Variants in GPR35 observed in about 807,000 individuals in gnomAD.
The protein encoded by GPR35 is KYNA receptor.
For missense variants in GPR35, 372 were observed against 422.5 expected (o/e 0.88, Z 1.05); for synonymous variants, 207 against 198.4 (o/e 1.04, Z -0.36).
At chr2:240,626,180 T>TG (rs746486232) in intron 1 of GPR35, among the ~76,000 whole-genome samples, 3 of 1,300 alleles carry the variant, frequency 2.3e-3, no homozygotes, top group Admixed American at 0.01. Flanking sequence ...GAGGCTGTGA[T>TG]GGGGTCTCAG....
intron 3 of GPR35, chr2:240,616,827 C>A: frequency 3.1e-6 from 2 of 652,762 alleles, no homozygotes; most frequent in South Asian, 1.6e-5. Context: ...TGGATGCATA[C>A]TCTCTCTCGC....
intron 4 of GPR35, chr2:240,617,696 A>C (rs2043253238): frequency 2.3e-5 from 4 of 172,410 alleles, no homozygotes; most frequent in Admixed American, 1.6e-4. Context: ...ACAATGACTA[A>C]TGAGTTTTTA....
rs759774390 is a variant in GPR35, at chr2:240,630,388, G to A, written c.436G>A (p.Gly146Ser). The change falls in exon 2 of 2, where the codon GGC (glycine) becomes AGC (serine). Residue 146 changes from glycine (G) to serine (S), a missense_variant. Gly to Ser is a moderately conservative substitution (Grantham distance 56). Coordinates refer to ENST00000407714, the MANE Select transcript of GPR35 (RefSeq NM_005301.5). ...CGCGGTCCTCTGGGTGCTGGTCATC[G>A]GCTCCCTGGTGGCTCGCTGGCTCCT... ...VCAVLWVLVI[G>S]SLVARWLLGI... The A allele has an allele frequency of 1.7e-5, 27 of 1,611,038 alleles. No individual in the cohort carries two copies. The highest frequency in any genetic ancestry group is 1.6e-4 in the Middle Eastern group (1 of 6,080).
Position 240,630,498 on chromosome 2 carries a change from G to T in GPR35, c.546G>T (p.Leu182=). 1.2e-6 allele frequency: 2 copies of T among 1,612,930 alleles called. No individual in the cohort carries two copies. Among genetic ancestry groups the T allele is most frequent in the Non-Finnish European group, 1.7e-6 (2 of 1,179,964 alleles). Residue 182 remains leucine (L), a synonymous_variant, in exon 2 of 2, where the codon CTG becomes CTT. Coordinates refer to ENST00000407714, the MANE Select transcript of GPR35 (RefSeq NM_005301.5). ...CGTTCCCGCTGCTGGGATTCTACCT[G>T]CCCCTGGCCGTGGTGGTCTTCTGCT... is the stretch of plus-strand genomic sequence containing the variant. The part of the protein sequence containing the change: ...SMAFPLLGFY[L]PLAVVVFCSL...
In GPR35 at chr2:240,633,116, C is replaced by T. The variant is rs2043467801; in HGVS notation, c.*2234C>T. 6.6e-6 allele frequency among the ~76,000 whole-genome samples: 1 copy of T among 152,196 alleles called. No individual in the cohort carries two copies. The highest frequency in any genetic ancestry group is 1.5e-5 in the Non-Finnish European group (1 of 68,034). On this transcript the variant is annotated 3_prime_UTR_variant, in exon 2 of 2. Coordinates refer to ENST00000407714, the MANE Select transcript of GPR35 (RefSeq NM_005301.5). ...GTAAGTTTCCTGAGGCCTCCCTAGC[C>T]ATGCTGAAGTGTGAGTCAATTAAAC... is the stretch of plus-strand genomic sequence containing the variant.
chr2:240,607,845 T>C (rs2125473292), intron 2 of GPR35, among the ~76,000 whole-genome samples: 1 of 151,424 alleles, frequency 6.6e-6, no homozygotes, highest in Non-Finnish European at 1.5e-5. Context: ...CTCCTTCTCT[T>C]CCTCCTCCTC....
At chr2:240,623,293 GAAACAGGTCATGAGGGCGC>G (rs796813375), upstream of GPR35, among the ~76,000 whole-genome samples, 8,206 of 126,786 alleles carry the variant, frequency 0.065, 1,076 homozygotes, top group East Asian at 0.13. Context: ...TGAAGGGCTG[GAAACAGGTCATGAGGGCGC>G]AAACAGGTCG....
upstream of GPR35, among the ~76,000 whole-genome samples, chr2:240,620,603 C>G (rs565313468): frequency 9.9e-5 from 15 of 152,238 alleles, no homozygotes; most frequent in East Asian, 2.7e-3. Flanking sequence ...CCCCGTGTCC[C>G]CTGCTCGTCC....
Position 240,627,628 on chromosome 2 carries a change from C to CTTTTTTTTTTTTTTTTT in GPR35, c.-5+2071_-5+2087dup, listed in dbSNP as rs60197961. ...ATCACCAGCCCAGCTAATTTTCTGTCTTTTTTTTTTTTTTTTTTTTTTTTT... is the reference window on the plus strand; with the variant it reads ...ATCACCAGCCCAGCTAATTTTCTGTCTTTTTTTTTTTTTTTTTTTTTTTTTTTTTTTTTTTTTTTTTT... On this transcript the variant is annotated intron_variant, in intron 1 of 1. Coordinates refer to ENST00000407714, the MANE Select transcript of GPR35 (RefSeq NM_005301.5). 1.4e-4 allele frequency: 10 copies of CTTTTTTTTTTTTTTTTT among 69,652 alleles called. 1 individual carries two copies. Among genetic ancestry groups the CTTTTTTTTTTTTTTTTT allele is most frequent in the East Asian group, 1.5e-3 (2 of 1,328 alleles). The allele number at this position is 69,652 out of a possible 1,614,324, so 4.3% of individuals were successfully genotyped here. A position where few individuals can be genotyped will look rare whatever the true frequency, so the allele number is the denominator to read the frequency against.
At chr2:240,610,148 C>T (rs1337953178) in intron 2 of GPR35, among the ~76,000 whole-genome samples, 2 of 151,950 alleles carry the variant, frequency 1.3e-5, no homozygotes, top group African/African-American at 2.4e-5. Flanking sequence ...TTAGTAGAGA[C>T]GGGGTTTCAC....
At chr2:240,623,968 C>G (rs2043338494), upstream of GPR35, among the ~76,000 whole-genome samples, 1 of 145,032 alleles carries the variant, frequency 6.9e-6, no homozygotes, top group Admixed American at 7.0e-5. Flanking sequence ...GAGTGATGCC[C>G]AGCAGAGGGG....
In GPR35 at chr2:240,630,591, C is replaced by A; in HGVS notation, c.639C>A (p.Arg213=). 1 of 1,612,888 alleles carries A rather than the reference C, an allele frequency of 6.2e-7. No homozygotes were observed. The highest frequency in any genetic ancestry group is 1.3e-5 in the African/African-American group (1 of 75,050). Residue 213 remains arginine (R), a synonymous_variant, in exon 2 of 2, where the codon CGC becomes CGA. Coordinates refer to ENST00000407714, the MANE Select transcript of GPR35 (RefSeq NM_005301.5). The part of the protein sequence containing the change: ...PTDVGQAEAT[R]KAARMVWANL... ...ACGTGGGGCAGGCAGAGGCCACCCGCAAGGCTGCCCGCATGGTCTGGGCCA... is the reference window on the plus strand; with the variant it reads ...ACGTGGGGCAGGCAGAGGCCACCCGAAAGGCTGCCCGCATGGTCTGGGCCA...
Position 240,612,351 on chromosome 2 carries a change from C to T in GPR35, c.-576-4037C>T, listed in dbSNP as rs1307699967. ...CCGAGGCAGGAGAATGGCGTGAACC[C>T]GGGAGGCGGAGCTTGAAGTGAGTGG... is the stretch of plus-strand genomic sequence containing the variant. On this transcript the variant is annotated intron_variant, in intron 2 of 5. Coordinates refer to the GPR35 transcript ENST00000319838. 4.0e-5 allele frequency among the ~76,000 whole-genome samples: 6 copies of T among 150,038 alleles called. 1 individual carries two copies. Among genetic ancestry groups the T allele is most frequent in the Non-Finnish European group, 5.9e-5 (4 of 67,664 alleles).
At chr2:240,609,442 T>C (rs1334633981) in intron 2 of GPR35, among the ~76,000 whole-genome samples, 1 of 152,250 alleles carries the variant, frequency 6.6e-6, no homozygotes, top group Non-Finnish European at 1.5e-5. Flanking sequence ...TATTTTCTTA[T>C]GTCTCCTTGA....
At chr2:240,623,028 C>T (rs376034451), upstream of GPR35, among the ~76,000 whole-genome samples, 1 of 148,946 alleles carries the variant, frequency 6.7e-6, no homozygotes, top group South Asian at 2.1e-4. Flanking sequence ...GAAGAAGGGC[C>T]TGAGCAGCAG....
chr2:240,630,720 C>T lies in GPR35; in HGVS notation c.768C>T (p.Arg256=), dbSNP rs575778583. The T allele has an allele frequency of 1.8e-5, 29 of 1,613,536 alleles. No individual in the cohort carries two copies. The highest frequency in any genetic ancestry group is 8.8e-5 in the South Asian group (8 of 91,088). Residue 256 remains arginine, a synonymous_variant, in exon 2 of 2, where the codon CGC becomes CGT. Transcript: ENST00000407714. ...NACALLETIR[R]ALYITSKLSD... Reference sequence around the variant, plus strand: ...GTGCCCTCCTGGAGACGATCCGTCGCGCCCTGTACATAACCAGCAAGCTCT... The same window carrying T: ...GTGCCCTCCTGGAGACGATCCGTCGTGCCCTGTACATAACCAGCAAGCTCT...
At chr2:240,612,789 G>A (rs958809982) in intron 2 of GPR35, among the ~76,000 whole-genome samples, 2 of 152,260 alleles carry the variant, frequency 1.3e-5, no homozygotes, top group African/African-American at 4.8e-5. Context: ...GGAAGAAGGG[G>A]AAGGGCAGGT....
At chr2:240,618,870 C>T in intron 4 of GPR35, 1 of 647,494 alleles carries the variant, frequency 1.5e-6, no homozygotes, top group Non-Finnish European at 2.8e-6. Flanking sequence ...AGAAATATTT[C>T]TCCCTCCTCT....
intron 1 of GPR35, chr2:240,628,171 G>A (rs190476562): frequency 6.6e-6 from 1 of 152,290 alleles, no homozygotes; most frequent in African/African-American, 2.4e-5. Context: ...TGTAGATTCT[G>A]AGCAGGTTCT....
Sources: allele counts gnomAD v4.1 joint callset (sites outside exome capture counted in the v4.1 genomes callset), GRCh38; gene constraint gnomAD v4.1.1; transcripts MANE v1.5; gene names NCBI Gene and HGNC (gene_info 2026-07-23, HGNC 2026-07-21).